Variants in CNOT4 observed in about 807,000 individuals in gnomAD.
CNOT4 encodes CCR4-NOT transcription complex subunit 4.
A neutral mutation model predicts 73.8 loss-of-function variants in CNOT4; 8 were observed. The ratio of observed to expected loss-of-function variants is 0.11; its 90% CI spans 0.06 to 0.20. The LOEUF (loss-of-function observed/expected upper bound fraction) is 0.20, where lower values mean the gene tolerates loss of function less well. Ranked by LOEUF, CNOT4 falls within the 10% of genes least tolerant of loss-of-function variation. The pLI, the probability that CNOT4 is intolerant of heterozygous loss-of-function variation, is 1.00. For missense variants in CNOT4, 564 were observed against 883.4 expected, an observed-to-expected ratio of 0.64 and a Z score of 4.58; for synonymous variants, 293 against 321.1, an observed-to-expected ratio of 0.91 and a Z score of 0.94.
intron 2 of CNOT4, among the ~76,000 whole-genome samples, chr7:135,423,382 CAAGG>C (rs1231159874): frequency 2.1e-5 from 3 of 144,560 alleles, no homozygotes; most frequent in Non-Finnish European, 4.6e-5. Flanking sequence ...AAGGTGGAAA[CAAGG>C]AAGGGTGGAA....
At chr7:135,445,747 A>G (rs1799785567) in intron 1 of CNOT4, among the ~76,000 whole-genome samples, 1 of 152,254 alleles carries the variant, frequency 6.6e-6, no homozygotes, top group African/African-American at 2.4e-5. Flanking sequence ...ATAATAAAAA[A>G]AGACTATATT....
chr7:135,422,111 G>C (rs750055678), intron 3 of CNOT4, 45 bp downstream of exon 3: 1 of 1,190,380 alleles, frequency 8.4e-7, no homozygotes, highest in African/African-American at 1.5e-5. Flanking sequence ...AGTAAGACAA[G>C]GAAACAAAAA....
chr7:135,444,317 G>A, intron 1 of CNOT4: 1 of 603,852 alleles, frequency 1.7e-6, no homozygotes, highest in South Asian at 1.8e-5. Context: ...TTGTGCACCA[G>A]TGTTCCTAAC....
intron 1 of CNOT4, among the ~76,000 whole-genome samples, chr7:135,494,065 C>CA (rs34917518): frequency 0.016 from 1,914 of 119,548 alleles, 22 homozygotes; most frequent in East Asian, 0.057. Context: ...AAACCTGTAC[C>CA]AAAAAAAAAA....
At chr7:135,448,865 G>C (rs949594306) in intron 1 of CNOT4, among the ~76,000 whole-genome samples, 2 of 151,926 alleles carry the variant, frequency 1.3e-5, no homozygotes, top group East Asian at 3.9e-4. Flanking sequence ...AAAAGAACTG[G>C]CAAACTTGAA....
In CNOT4 at chr7:135,362,817, T is replaced by C. The variant is rs774942135; in HGVS notation, c.*68A>G. 6 of 1,350,864 alleles carry C rather than the reference T, an allele frequency of 4.4e-6. No individual in the cohort carries two copies. The South Asian group carries it at 7.0e-5, about 16-fold the overall frequency. 83.7% of individuals were successfully genotyped at this position (1,350,864 alleles called of 1,614,324 possible). ...TAAGAGATGAGAAGGGAGCTGTGGG[T>C]GGTGGGCTGAGAGGGAGAAAACAGA... On this transcript the variant is annotated 3_prime_UTR_variant, in exon 12 of 12. Coordinates refer to ENST00000541284, the MANE Select transcript of CNOT4 (RefSeq NM_001190850.2).
intron 8 of CNOT4, 83 bp downstream of exon 8, chr7:135,398,086 A>G (rs1221417492): frequency 1.2e-5 from 9 of 767,758 alleles, no homozygotes; most frequent in Non-Finnish European, 2.1e-5. Context: ...TCAGTAAAGT[A>G]TTTTTAGAAA....
intron 1 of CNOT4, among the ~76,000 whole-genome samples, chr7:135,483,253 G>A (rs1269732243): frequency 2.6e-5 from 4 of 151,206 alleles, no homozygotes; most frequent in African/African-American, 9.7e-5. Flanking sequence ...TGGGAAGATT[G>A]CTTGATCCCA....
Position 135,415,114 on chromosome 7 carries a change from G to C in CNOT4, c.459+62C>G. On this transcript the variant is annotated intron_variant, in intron 4 of 11. Transcript: ENST00000541284. ...ATCAGAGAGAGCAAAGTTTCCTTTG[G>C]AACAGCCCAGGTCAAGCCCAGACCA... 4.2e-6 allele frequency: 4 copies of C among 955,734 alleles called. 1 individual carries two copies. In the Admixed American group the frequency reaches 7.9e-5, roughly 19 times the overall value. The allele number at this position is 955,734 out of a possible 1,614,324, so 59.2% of individuals were successfully genotyped here. A position where few individuals can be genotyped will look rare whatever the true frequency, so the allele number is the denominator to read the frequency against.
intron 1 of CNOT4, among the ~76,000 whole-genome samples, chr7:135,473,177 G>A (rs1023730425): frequency 2.0e-5 from 3 of 152,090 alleles, no homozygotes; most frequent in Non-Finnish European, 2.9e-5. Context: ...TGTCATAAAT[G>A]GGAAAGTATA....
chr7:135,453,848 T>TATATATAAAAA (rs1800351262), intron 1 of CNOT4, among the ~76,000 whole-genome samples: 2 of 116,742 alleles, frequency 1.7e-5, no homozygotes, highest in East Asian at 4.8e-4. Flanking sequence ...ATATATATAT[T>TATATATAAAAA]ATATATATAG....
In CNOT4 at chr7:135,498,683, G is replaced by A. The variant is rs535192237; in HGVS notation, c.-93+11206C>T. ...CCTGCCTCAGCCTCCTGAGTAGCTGGGATTACAGGCACATGCCACCATGCC... is the reference window on the plus strand; with the variant it reads ...CCTGCCTCAGCCTCCTGAGTAGCTGAGATTACAGGCACATGCCACCATGCC... On this transcript the variant is annotated intron_variant, in intron 1 of 11. Coordinates refer to ENST00000541284, the MANE Select transcript of CNOT4 (RefSeq NM_001190850.2). Among the ~76,000 whole-genome samples, 11 of 152,172 alleles carry A rather than the reference G, an allele frequency of 7.2e-5. No individual in the cohort carries two copies. The South Asian group carries it at 2.1e-3, about 29-fold the overall frequency.
chr7:135,409,841 T>C (rs1797497618), intron 7 of CNOT4, among the ~76,000 whole-genome samples: 1 of 152,174 alleles, frequency 6.6e-6, no homozygotes, highest in Non-Finnish European at 1.5e-5. Flanking sequence ...ATTATATTTA[T>C]TAATATGATT....
chr7:135,372,241 C>T (rs986176837), intron 10 of CNOT4, among the ~76,000 whole-genome samples: 2 of 152,120 alleles, frequency 1.3e-5, no homozygotes, highest in Non-Finnish European at 1.5e-5. Flanking sequence ...TTCTGACCAA[C>T]GAAGAACTGG....
At chr7:135,384,804 A>G (rs1484156752) in intron 10 of CNOT4, 7 of 740,360 alleles carry the variant, frequency 9.5e-6, no homozygotes, top group Middle Eastern at 2.3e-4. Flanking sequence ...CCATCTAGTT[A>G]GCATCTTGTT....
intron 10 of CNOT4, among the ~76,000 whole-genome samples, chr7:135,392,092 C>T (rs1340825177): frequency 6.6e-6 from 1 of 151,968 alleles, no homozygotes; most frequent in Non-Finnish European, 1.5e-5. Flanking sequence ...ACATAAAAGG[C>T]CTTTTCTCTT....
chr7:135,441,359 A>G (rs554901212), intron 1 of CNOT4, among the ~76,000 whole-genome samples: 2 of 152,134 alleles, frequency 1.3e-5, no homozygotes, highest in African/African-American at 4.8e-5. Flanking sequence ...GAAAAATACA[A>G]CGAAATAGTG....
chr7:135,480,149 G>T (rs1266309327), intron 1 of CNOT4, among the ~76,000 whole-genome samples: 1 of 152,058 alleles, frequency 6.6e-6, no homozygotes, highest in African/African-American at 2.4e-5. Context: ...TTATTATGCT[G>T]ATTTTCTGTT....
At chr7:135,494,417 C>T (rs1563082527) in intron 1 of CNOT4, among the ~76,000 whole-genome samples, 1 of 144,138 alleles carries the variant, frequency 6.9e-6, no homozygotes, top group Non-Finnish European at 1.5e-5. Flanking sequence ...TTTCAGGGAG[C>T]CGAGATCGCG....
Sources: gnomAD v4.1 joint callset for allele counts (sites outside exome capture counted in the v4.1 genomes callset) on GRCh38, gnomAD v4.1.1 for gene constraint, MANE v1.5 for transcripts, NCBI Gene and HGNC (gene_info 2026-07-23, HGNC 2026-07-21) for gene names.